The following CIITA variants were observed in gnomAD, a reference collection of about 807,000 sequenced individuals.
CIITA encodes MHC class II transactivator.
In CIITA, 72 loss-of-function variants were observed where a neutral mutation model predicts 115.1. The ratio of observed to expected loss-of-function variants is 0.63; its 90% CI spans 0.52 to 0.76. The LOEUF is 0.76. Ranked by LOEUF, CIITA falls within the 30% of genes least tolerant of loss-of-function variation. The pLI, the probability that CIITA is intolerant of heterozygous loss-of-function variation, is 0.00. For synonymous variants in CIITA, 763 were observed against 635.6 expected, an observed-to-expected ratio of 1.20 and a Z score of -3.02; for missense variants, 1,617 against 1,463.8, an observed-to-expected ratio of 1.10 and a Z score of -1.71.
chr16:10,919,230 G>C (rs1220773594), intron 16 of CIITA, among the ~76,000 whole-genome samples: 1 of 152,076 alleles, frequency 6.6e-6, no homozygotes, highest in Non-Finnish European at 1.5e-5. Context: ...GTCTCGCTCT[G>C]TCACCCAGGC....
rs2040494676 is a variant in CIITA at position 10,925,502 on chromosome 16, G to A, written c.*1647G>A. ...TTAGTTTTATTTTTGTAGAGCCAGG[G>A]TCTCACTATGTTGCCCAGGCAGGTC... On this transcript the variant is annotated 3_prime_UTR_variant, in exon 20 of 20. Transcript: ENST00000324288. 1 of 152,238 alleles carries A rather than the reference G, an allele frequency of 6.6e-6. No homozygotes were observed. The highest frequency in any genetic ancestry group is 6.5e-5 in the Admixed American group (1 of 15,284). The allele number at this position is 152,238 out of a possible 1,614,324, so 9.4% of individuals were successfully genotyped here. A position where few individuals can be genotyped will look rare whatever the true frequency, so the allele number is the denominator to read the frequency against.
intron 8 of CIITA, among the ~76,000 whole-genome samples, chr16:10,903,109 A>T (rs1050756150): frequency 6.6e-6 from 1 of 152,228 alleles, no homozygotes; most frequent in African/African-American, 2.4e-5. Context: ...CAACATCAAT[A>T]CATGCTCACT....
chr16:10,873,804 G>A (rs1237824695), upstream of CIITA, among the ~76,000 whole-genome samples: 13 of 152,042 alleles, frequency 8.6e-5, no homozygotes, highest in South Asian at 8.3e-4. Context: ...TTTCTGACTC[G>A]AGACAAATAA....
chr16:10,905,959 G>C (rs1337440043), intron 10 of CIITA, among the ~76,000 whole-genome samples: 2 of 151,968 alleles, frequency 1.3e-5, no homozygotes, highest in African/African-American at 4.8e-5. Flanking sequence ...GGCCAAGGCG[G>C]AACGATTGCT....
upstream of CIITA, among the ~76,000 whole-genome samples, chr16:10,874,832 TG>T (rs1428205688): frequency 6.6e-6 from 1 of 152,030 alleles, no homozygotes; most frequent in Non-Finnish European, 1.5e-5. Context: ...GAGGGTGGGA[TG>T]GGGGGACATC....
At chr16:10,894,670 T>C (rs575562651) in intron 1 of CIITA, among the ~76,000 whole-genome samples, 1 of 152,330 alleles carries the variant, frequency 6.6e-6, no homozygotes, top group African/African-American at 2.4e-5. Flanking sequence ...CTGCTCAGAC[T>C]CCTTCAGTTT....
At chr16:10,874,385 C>G (rs571409800), upstream of CIITA, among the ~76,000 whole-genome samples, 47 of 152,306 alleles carry the variant, frequency 3.1e-4, 2 homozygotes, top group African/African-American at 1.1e-3. Flanking sequence ...CCCCCATTCA[C>G]TCAGTGCTAG....
At chr16:10,906,455 G>C in intron 10 of CIITA, 44 bp from the exon 11 acceptor site, 1 of 1,606,438 alleles carries the variant, frequency 6.2e-7, no homozygotes, top group Non-Finnish European at 8.5e-7. Context: ...CCCTGGCCCT[G>C]CCTCTCACAT....
intron 15 of CIITA, among the ~76,000 whole-genome samples, chr16:10,918,239 G>T (rs571653388): frequency 1.3e-5 from 2 of 152,310 alleles, no homozygotes; most frequent in Admixed American, 6.5e-5. Flanking sequence ...GGGCAGGAGG[G>T]TGCACTCTCC....
chr16:10,874,140 C>A (rs1220767563), upstream of CIITA, among the ~76,000 whole-genome samples: 1 of 152,036 alleles, frequency 6.6e-6, no homozygotes, highest in Non-Finnish European at 1.5e-5. Context: ...TGCACCACCA[C>A]ACCTGGATAA....
chr16:10,890,745 C>T (rs938734844), intron 1 of CIITA, among the ~76,000 whole-genome samples: 1 of 152,188 alleles, frequency 6.6e-6, no homozygotes, highest in Admixed American at 6.5e-5. Context: ...TAATGATGGC[C>T]ATCACACATA....
In CIITA at chr16:10,902,026, A is replaced by T; in HGVS notation, c.482-12A>T. 1.9e-6 allele frequency: 3 copies of T among 1,613,772 alleles called. No individual in the cohort carries two copies. Among genetic ancestry groups the T allele is most frequent in the Non-Finnish European group, 1.7e-6 (2 of 1,179,938 alleles). ...AAGCACCCAGTCTCTAACACAGCCC[A>T]CTTCCTCACAGCTGAGCCCCCCACT... is the stretch of plus-strand genomic sequence containing the variant. On this transcript the variant is annotated splice_polypyrimidine_tract_variant and intron_variant, in intron 6 of 19. Coordinates refer to ENST00000324288, the MANE Select transcript of CIITA (RefSeq NM_000246.4).
chr16:10,935,013 A>T lies in CIITA; in HGVS notation c.*11158A>T, dbSNP rs1304129086. 6.6e-6 allele frequency: 1 copy of T among 152,302 alleles called. No homozygotes were observed. Among genetic ancestry groups the T allele is most frequent in the Non-Finnish European group, 1.5e-5 (1 of 68,060 alleles). The allele number at this position is 152,302 out of a possible 1,614,324, so 9.4% of individuals were successfully genotyped here. A position where few individuals can be genotyped will look rare whatever the true frequency, so the allele number is the denominator to read the frequency against. ...AGGGTCTGACACGCCATTGACACTG[A>T]CCACGTCATTCATTAAGCAAGCACC... On this transcript the variant is annotated 3_prime_UTR_variant, in exon 20 of 20. Coordinates refer to ENST00000324288, the MANE Select transcript of CIITA (RefSeq NM_000246.4).
rs2040793150 is a variant in CIITA at position 10,931,504 on chromosome 16, T to A, written c.*7649T>A. The A allele has an allele frequency of 6.6e-6, 1 of 152,216 alleles. No homozygotes were observed. The highest frequency in any genetic ancestry group is 2.1e-4 in the South Asian group (1 of 4,828). The allele number at this position is 152,216 out of a possible 1,614,324, so 9.4% of individuals were successfully genotyped here. ...GTTTTCATTGTGTTTATCTGTAGGGTTACCTTCTATTTATAGCAAGTGATG... is the reference window on the plus strand; with the variant it reads ...GTTTTCATTGTGTTTATCTGTAGGGATACCTTCTATTTATAGCAAGTGATG... On this transcript the variant is annotated 3_prime_UTR_variant, in exon 20 of 20. Coordinates refer to ENST00000324288, the MANE Select transcript of CIITA (RefSeq NM_000246.4).
chr16:10,877,328 A>G lies in CIITA; in HGVS notation c.-3A>G. ...GCTGCTGCCTGGCTGGGATTCCTAC[A>G]CAATGCGTTGCCTGGCTCCACGCCC... On this transcript the variant is annotated 5_prime_UTR_variant, in exon 1 of 20. Transcript: ENST00000324288. 1 of 1,612,934 alleles carries G rather than the reference A, an allele frequency of 6.2e-7. No homozygotes were observed. Among genetic ancestry groups the G allele is most frequent in the South Asian group, 1.1e-5 (1 of 90,818 alleles).
Position 10,906,853 on chromosome 16 carries a change from A to T in CIITA, c.1361A>T (p.His454Leu). Residue 454 changes from histidine to leucine, a missense_variant, in exon 11 of 20, where the codon CAT becomes CTT. Transcript: ENST00000324288. ...GACTTTGTCTTCTCTGTCCCCTGCC[A>T]TTGCTTGAACCGTCCGGGGGATGCC... is the stretch of plus-strand genomic sequence containing the variant. ...QYDFVFSVPC[H>L]CLNRPGDAYG... 4 of 1,613,420 alleles carry T rather than the reference A, an allele frequency of 2.5e-6. No individual in the cohort carries two copies. Among genetic ancestry groups the T allele is most frequent in the Non-Finnish European group, 3.4e-6 (4 of 1,180,030 alleles).
intron 1 of CIITA, among the ~76,000 whole-genome samples, chr16:10,868,477 A>G (rs530517564): frequency 6.6e-5 from 10 of 152,246 alleles, no homozygotes; most frequent in Non-Finnish European, 1.0e-4. Context: ...ATTCTCACCC[A>G]AGTGGTTTCC....
rs2040691848 is a variant in CIITA at position 10,929,651 on chromosome 16, G to T, written c.*5796G>T. 1 of 816,676 alleles carries T rather than the reference G, an allele frequency of 1.2e-6. No homozygotes were observed. Among genetic ancestry groups the T allele is most frequent in the Non-Finnish European group, 1.5e-6 (1 of 676,044 alleles). The allele number at this position is 816,676 out of a possible 1,614,324, so 50.6% of individuals were successfully genotyped here. ...ACAGGGACCAATCCACCAGGCTCGG[G>T]AGGCTTGGGGTGGGGCAGGGAAGTC... On this transcript the variant is annotated 3_prime_UTR_variant, in exon 20 of 20. Coordinates refer to ENST00000324288, the MANE Select transcript of CIITA (RefSeq NM_000246.4). The surrounding 1 kb of genome is among the most constrained non-coding windows in gnomAD (Gnocchi z 4.3).
intron 11 of CIITA, chr16:10,908,518 T>G: frequency 2.3e-6 from 1 of 426,510 alleles, no homozygotes; most frequent in Non-Finnish European, 4.4e-6. Context: ...TTGGACTCTC[T>G]GCCTCCATTC....
Sources: allele counts gnomAD v4.1 joint callset (sites outside exome capture counted in the v4.1 genomes callset), GRCh38; gene constraint gnomAD v4.1.1; non-coding constraint Gnocchi (gnomAD v3.1); transcripts MANE v1.5; gene names NCBI Gene and HGNC (gene_info 2026-07-23, HGNC 2026-07-21).